Variants in GNG4 observed in about 807,000 individuals in gnomAD.
GNG4 encodes G protein subunit gamma 4, also known as guanine nucleotide-binding protein G(I)/G(S)/G(O) subunit gamma-4.
GNG4 carries 4 observed loss-of-function variants against 5.8 expected under a neutral mutation model. The observed-to-expected ratio is 0.69, with a 90% CI of 0.34 to 1.57. The LOEUF (loss-of-function observed/expected upper bound fraction) is 1.57, where lower values mean the gene tolerates loss of function less well. GNG4 is among the 40% of genes most tolerant of loss of function. GNG4 has a pLI of 0.06. For missense variants in GNG4, 96 were observed against 95.1 expected, an observed-to-expected ratio of 1.01 and a Z score of -0.04; for synonymous variants, 29 against 32.9, an observed-to-expected ratio of 0.88 and a Z score of 0.41.
intron 3 of GNG4, among the ~76,000 whole-genome samples, chr1:235,557,115 C>T (rs567135104): frequency 6.6e-6 from 1 of 152,202 alleles, no homozygotes; most frequent in Non-Finnish European, 1.5e-5. Context: ...CAGACTGGTA[C>T]TGGTCCATGG....
chr1:235,582,010 T>G (rs1230641025), intron 3 of GNG4, among the ~76,000 whole-genome samples: 1 of 152,160 alleles, frequency 6.6e-6, no homozygotes, highest in Non-Finnish European at 1.5e-5. Flanking sequence ...TCTTTTCAGG[T>G]CTCTGGCCAT....
intron 3 of GNG4, among the ~76,000 whole-genome samples, chr1:235,572,508 CT>C (rs71174442): frequency 0.66 from 84,216 of 127,352 alleles, 27,205 homozygotes; most frequent in East Asian, 0.84. Flanking sequence ...TTTTTTTTTT[CT>C]TTTTTTTTTT....
At chr1:235,622,678 C>T (rs112373686) in intron 1 of GNG4, among the ~76,000 whole-genome samples, 5 of 151,570 alleles carry the variant, frequency 3.3e-5, no homozygotes, top group African/African-American at 9.7e-5. Context: ...GTCAGGAGTT[C>T]GAGACCAGCC....
chr1:235,587,001 G>A (rs1687773732), intron 2 of GNG4, among the ~76,000 whole-genome samples: 1 of 152,080 alleles, frequency 6.6e-6, no homozygotes, highest in Non-Finnish European at 1.5e-5. Context: ...GGGCATTTAG[G>A]AGTTGGGGGA....
At chr1:235,578,179 A>G (rs1256174171) in intron 3 of GNG4, among the ~76,000 whole-genome samples, 1 of 152,204 alleles carries the variant, frequency 6.6e-6, no homozygotes, top group Non-Finnish European at 1.5e-5. Context: ...TATTAAAAAA[A>G]CAGACATCAC....
At chr1:235,570,766 G>A (rs1014992842) in intron 3 of GNG4, among the ~76,000 whole-genome samples, 1 of 151,624 alleles carries the variant, frequency 6.6e-6, no homozygotes, top group Non-Finnish European at 1.5e-5. Flanking sequence ...CGCAATCTCG[G>A]CTCTCTGCAA....
At chr1:235,595,802 G>GC (rs1291305999) in intron 1 of GNG4, among the ~76,000 whole-genome samples, 3 of 152,090 alleles carry the variant, frequency 2.0e-5, no homozygotes, top group African/African-American at 7.2e-5. Context: ...CAGTCGCTCT[G>GC]CCCCCCAACA....
At chr1:235,569,969 G>A (rs1360213344) in intron 3 of GNG4, among the ~76,000 whole-genome samples, 2 of 152,188 alleles carry the variant, frequency 1.3e-5, no homozygotes, top group South Asian at 2.1e-4. Context: ...CTTTCCTTTT[G>A]AGATTAAGAC....
Position 235,551,616 on chromosome 1 carries a change from G to A in GNG4, c.*493C>T, listed in dbSNP as rs973614687. ...CTGTGGGTTGTTGTCTTTTTACTAGGATGATGGAAATGCAGGAAATACAGA... is the reference window on the plus strand; with the variant it reads ...CTGTGGGTTGTTGTCTTTTTACTAGAATGATGGAAATGCAGGAAATACAGA... On this transcript the variant is annotated 3_prime_UTR_variant, in exon 4 of 4. Coordinates refer to ENST00000391854, the MANE Select transcript of GNG4 (RefSeq NM_001098722.2). 3.3e-5 allele frequency: 5 copies of A among 152,866 alleles called. No individual in the cohort carries two copies. Among genetic ancestry groups the A allele is most frequent in the African/African-American group, 1.2e-4 (5 of 41,442 alleles). 9.5% of individuals were successfully genotyped at this position (152,866 alleles called of 1,614,324 possible). A position where few individuals can be genotyped will look rare whatever the true frequency, so the allele number is the denominator to read the frequency against.
Position 235,642,919 on chromosome 1 carries a change from A to C in GNG4, c.-123+6743T>G, listed in dbSNP as rs2102989941. Among the ~76,000 whole-genome samples, 1 of 152,018 alleles carries C rather than the reference A, an allele frequency of 6.6e-6. No homozygotes were observed. The highest frequency in any genetic ancestry group is 2.4e-5 in the African/African-American group (1 of 41,450). ...CTACTTGCCCAGCTTCATTCACAAA[A>C]CCAGGTCACATTACCCCTCGTCCAT... On this transcript the variant is annotated intron_variant, in intron 1 of 3. Transcript: ENST00000391854. This position sits in a 1 kb window ranked among gnomAD's most constrained non-coding sequence, Gnocchi z 4.3.
rs1358378745 is a variant in GNG4, at chr1:235,550,085, C to T, written c.*2024G>A. On this transcript the variant is annotated 3_prime_UTR_variant, in exon 4 of 4. Transcript: ENST00000391854. ...ATAAACAGAATAGAACAAACTTACA[C>T]AAAGAGCTCTGCTCCCACTGTGTAT... 1 of 152,216 alleles carries T rather than the reference C, an allele frequency of 6.6e-6. No homozygotes were observed. Among genetic ancestry groups the T allele is most frequent in the Non-Finnish European group, 1.5e-5 (1 of 68,044 alleles). 9.4% of individuals were successfully genotyped at this position (152,216 alleles called of 1,614,324 possible). A position where few individuals can be genotyped will look rare whatever the true frequency, so the allele number is the denominator to read the frequency against.
intron 1 of GNG4, among the ~76,000 whole-genome samples, chr1:235,634,865 C>T (rs1284481986): frequency 1.3e-5 from 2 of 152,056 alleles, no homozygotes; most frequent in Admixed American, 6.5e-5. Context: ...ACCCAGGAGG[C>T]GGAGGTTGCA....
Position 235,552,107 on chromosome 1 carries a change from A to T in GNG4, c.*2T>A, listed in dbSNP as rs1686765349. The T allele has an allele frequency of 2.5e-6, 4 of 1,613,404 alleles. No individual in the cohort carries two copies. Among genetic ancestry groups the T allele is most frequent in the Non-Finnish European group, 3.4e-6 (4 of 1,179,596 alleles). Reference sequence around the variant, plus strand: ...AAGGAGGCGTTTTCATCACACACGGAGTTAGAGAATGGTACAAAAGAACTT... The same window carrying T: ...AAGGAGGCGTTTTCATCACACACGGTGTTAGAGAATGGTACAAAAGAACTT... On this transcript the variant is annotated 3_prime_UTR_variant, in exon 4 of 4. Coordinates refer to ENST00000391854, the MANE Select transcript of GNG4 (RefSeq NM_001098722.2).
chr1:235,572,000 AC>A (rs972190376), intron 3 of GNG4, among the ~76,000 whole-genome samples: 1 of 151,010 alleles, frequency 6.6e-6, no homozygotes, highest in Non-Finnish European at 1.5e-5. Flanking sequence ...CATCCAGCTT[AC>A]TTTTTTGAAT....
intron 3 of GNG4, among the ~76,000 whole-genome samples, chr1:235,553,921 C>T (rs893767776): frequency 8.5e-5 from 13 of 152,138 alleles, no homozygotes. Context: ...ATGATTCTAC[C>T]TTTAATAGCA....
At chr1:235,604,927 G>A (rs937125297) in intron 1 of GNG4, among the ~76,000 whole-genome samples, 1 of 152,182 alleles carries the variant, frequency 6.6e-6, no homozygotes. Flanking sequence ...TTTCATGGCT[G>A]TGGGAGAGGA....
chr1:235,631,172 T>G (rs1403022671), intron 1 of GNG4, among the ~76,000 whole-genome samples: 2 of 152,190 alleles, frequency 1.3e-5, no homozygotes, highest in Non-Finnish European at 2.9e-5. Context: ...GTGCTGGGAT[T>G]ACAGGTGTGA....
At chr1:235,570,919 T>TATATATAC (rs1553365401) in intron 3 of GNG4, among the ~76,000 whole-genome samples, 1 of 121,448 alleles carries the variant, frequency 8.2e-6, no homozygotes. Flanking sequence ...TATACATATA[T>TATATATAC]ATATACACAC....
At chr1:235,590,495 G>C (rs1179769833) in intron 2 of GNG4, among the ~76,000 whole-genome samples, 1 of 152,094 alleles carries the variant, frequency 6.6e-6, no homozygotes, top group African/African-American at 2.4e-5. Context: ...ATTCCCCTGA[G>C]AGGCCCCTCA....
Sources: allele counts gnomAD v4.1 joint callset (sites outside exome capture counted in the v4.1 genomes callset), GRCh38; gene constraint gnomAD v4.1.1; non-coding constraint Gnocchi (gnomAD v3.1); transcripts MANE v1.5; gene names NCBI Gene and HGNC (gene_info 2026-07-23, HGNC 2026-07-21).